The following ZBTB20 variants were observed in gnomAD, a reference collection of about 807,000 sequenced individuals.
The protein encoded by ZBTB20 is zinc finger and BTB domain containing 20.
In ZBTB20, 9 loss-of-function variants were observed where a neutral mutation model predicts 56.9. The ratio of observed to expected loss-of-function variants is 0.16; its 90% CI spans 0.10 to 0.28. ZBTB20 has a LOEUF of 0.28. ZBTB20 is among the 10% of genes least tolerant of loss of function. ZBTB20 has a pLI of 1.00. For synonymous variants in ZBTB20, 417 were observed against 420.7 expected, an observed-to-expected ratio of 0.99 and a Z score of 0.11; for missense variants, 655 against 1,003.0, an observed-to-expected ratio of 0.65 and a Z score of 4.69.
chr3:115,101,422 C>G (rs931332666), intron 1 of ZBTB20, among the ~76,000 whole-genome samples: 4 of 152,194 alleles, frequency 2.6e-5, no homozygotes, highest in African/African-American at 9.7e-5. Context: ...TTCCCACCCA[C>G]TTTCCCCACT....
chr3:114,651,352 G>C (rs2060118422), intron 6 of ZBTB20, among the ~76,000 whole-genome samples: 1 of 151,968 alleles, frequency 6.6e-6, no homozygotes. Flanking sequence ...TAGGTAAACA[G>C]AATTCTCAAT....
intron 6 of ZBTB20, among the ~76,000 whole-genome samples, chr3:114,632,051 T>C (rs985879346): frequency 5.3e-5 from 8 of 152,208 alleles, no homozygotes; most frequent in Non-Finnish European, 1.2e-4. Flanking sequence ...TAGACTATAC[T>C]GAGGTCAGGA....
intron 1 of ZBTB20, among the ~76,000 whole-genome samples, chr3:115,126,266 A>G (rs1018615096): frequency 2.6e-5 from 4 of 152,210 alleles, no homozygotes; most frequent in African/African-American, 9.7e-5. Flanking sequence ...GGGAGTGTAA[A>G]TGGCTAATAT....
intron 4 of ZBTB20, among the ~76,000 whole-genome samples, chr3:114,867,367 T>C (rs1057143861): frequency 2.0e-5 from 3 of 152,188 alleles, no homozygotes; most frequent in African/African-American, 7.2e-5. Context: ...AGATGTGATC[T>C]TTCCCTTTGA....
chr3:114,389,503 T>A (rs2085568015), intron 7 of ZBTB20, among the ~76,000 whole-genome samples: 1 of 152,176 alleles, frequency 6.6e-6, no homozygotes, highest in South Asian at 2.1e-4. Context: ...TTATTTATTT[T>A]TTATTCACAC....
chr3:114,742,274 T>G (rs867062162), intron 5 of ZBTB20, among the ~76,000 whole-genome samples: 3 of 152,144 alleles, frequency 2.0e-5, no homozygotes, highest in Non-Finnish European at 4.4e-5. Flanking sequence ...CTGTCAATGA[T>G]TGTACCTAAC....
At chr3:114,996,215 T>A (rs1274384401) in intron 2 of ZBTB20, among the ~76,000 whole-genome samples, 1 of 151,874 alleles carries the variant, frequency 6.6e-6, no homozygotes, top group Non-Finnish European at 1.5e-5. Context: ...TTTTCTTTTT[T>A]TTATTATTAT....
intron 4 of ZBTB20, among the ~76,000 whole-genome samples, chr3:114,883,738 T>C (rs1020036955): frequency 1.3e-5 from 2 of 151,922 alleles, no homozygotes; most frequent in Non-Finnish European, 2.9e-5. Flanking sequence ...TCTCGATCGT[T>C]ATTCAGATGA....
In ZBTB20 at chr3:115,136,739, A is replaced by G. The variant is rs76394010; in HGVS notation, c.-703+10480T>C. 2.7e-3 allele frequency among the ~76,000 whole-genome samples: 417 copies of G among 152,198 alleles called. 5 individuals carry two copies. The highest frequency in any genetic ancestry group is 0.014 in the East Asian group (73 of 5,186). On this transcript the variant is annotated intron_variant, in intron 1 of 11. Transcript: ENST00000675478. ...ACAAATGTTGAGACTGTAATGTAGA[A>G]TATTTGAATCAGAAGAACCTAGAAT...
At chr3:114,501,499 G>A (rs913832546) in intron 6 of ZBTB20, among the ~76,000 whole-genome samples, 4 of 151,072 alleles carry the variant, frequency 2.6e-5, no homozygotes, top group South Asian at 2.1e-4. Flanking sequence ...GGTGGCGGGC[G>A]CCTGTAATCC....
intron 2 of ZBTB20, among the ~76,000 whole-genome samples, chr3:115,009,575 T>A (rs2079613998): frequency 6.6e-6 from 1 of 151,938 alleles, no homozygotes; most frequent in Admixed American, 6.6e-5. Flanking sequence ...TGACTAGGTA[T>A]TTACTGTGAT....
intron 4 of ZBTB20, among the ~76,000 whole-genome samples, chr3:114,872,210 A>G (rs1404923560): frequency 2.0e-5 from 3 of 152,102 alleles, no homozygotes; most frequent in Non-Finnish European, 4.4e-5. Flanking sequence ...AGATTGTGAC[A>G]TGCTTACTGG....
At chr3:114,723,791 A>T (rs1023962581) in intron 5 of ZBTB20, among the ~76,000 whole-genome samples, 1 of 152,218 alleles carries the variant, frequency 6.6e-6, no homozygotes, top group Admixed American at 6.5e-5. Context: ...TTATTGTGAG[A>T]GATCTCTCAA....
At chr3:114,846,970 A>G (rs1364989522) in intron 4 of ZBTB20, among the ~76,000 whole-genome samples, 1 of 152,202 alleles carries the variant, frequency 6.6e-6, no homozygotes, top group African/African-American at 2.4e-5. Flanking sequence ...CAGAGTTCTT[A>G]CTTCAAATAT....
chr3:114,926,760 A>G (rs1333809602), intron 3 of ZBTB20, among the ~76,000 whole-genome samples: 1 of 152,184 alleles, frequency 6.6e-6, no homozygotes, highest in African/African-American at 2.4e-5. Flanking sequence ...GTTAGTCAAT[A>G]GTTCATATTG....
chr3:114,964,301 G>T (rs1321917839), intron 3 of ZBTB20, among the ~76,000 whole-genome samples: 1 of 152,126 alleles, frequency 6.6e-6, no homozygotes, highest in African/African-American at 2.4e-5. Flanking sequence ...TGTAATTCCA[G>T]CTACTTGGGA....
chr3:114,466,355 G>C (rs1224699755), intron 7 of ZBTB20, among the ~76,000 whole-genome samples: 3 of 152,044 alleles, frequency 2.0e-5, no homozygotes, highest in Non-Finnish European at 2.9e-5. Flanking sequence ...GACAAGCAAG[G>C]CACACAACTA....
intron 2 of ZBTB20, among the ~76,000 whole-genome samples, chr3:114,985,236 T>C (rs563751491): frequency 6.6e-6 from 1 of 152,222 alleles, no homozygotes; most frequent in East Asian, 1.9e-4. Flanking sequence ...TAAGCACTGA[T>C]AGATCTGAGT....
At chr3:115,079,024 T>C (rs2082699974) in intron 1 of ZBTB20, among the ~76,000 whole-genome samples, 1 of 152,184 alleles carries the variant, frequency 6.6e-6, no homozygotes, top group East Asian at 1.9e-4. Flanking sequence ...AAAAAAGTTA[T>C]ATAAAGGGCT....
Sources: allele counts gnomAD v4.1 joint callset (sites outside exome capture counted in the v4.1 genomes callset), GRCh38; gene constraint gnomAD v4.1.1; transcripts MANE v1.5; gene names NCBI Gene and HGNC (gene_info 2026-07-23, HGNC 2026-07-21).